WDPCP: variants seen among roughly 807,000 people sequenced by gnomAD.
The protein encoded by WDPCP is WD repeat containing planar cell polarity effector.
In WDPCP, 71 loss-of-function variants were observed where a neutral mutation model predicts 93.1. The observed-to-expected ratio is 0.76, with a 90% confidence interval of 0.63 to 0.93. The LOEUF (loss-of-function observed/expected upper bound fraction) is 0.93, where lower values mean the gene tolerates loss of function less well. WDPCP is among the 40% of genes least tolerant of loss of function. The pLI is 0.00. For missense variants in WDPCP, 844 were observed against 887.4 expected (o/e 0.95, Z 0.62); for synonymous variants, 315 against 315.0 (o/e 1.00, Z 0.00).
chr2:63,826,414 TTGTCACCAGAATACTG>T (rs1671115047), intron 1 of WDPCP, among the ~76,000 whole-genome samples: 1 of 152,140 alleles, frequency 6.6e-6, no homozygotes, highest in Admixed American at 6.5e-5. Flanking sequence ...TGGTGACATC[TTGTCACCAGAATACTG>T]TGTCCTATTA....
chr2:63,761,973 T>C (rs1421107122), intron 2 of WDPCP, among the ~76,000 whole-genome samples: 1 of 152,016 alleles, frequency 6.6e-6, no homozygotes, highest in Non-Finnish European at 1.5e-5. Flanking sequence ...AATACTTACA[T>C]TTAAAAAAAA....
chr2:63,503,326 A>G (rs1701669876), intron 1 of WDPCP, among the ~76,000 whole-genome samples: 1 of 152,192 alleles, frequency 6.6e-6, no homozygotes, highest in Non-Finnish European at 1.5e-5. Flanking sequence ...CTAGGTTCCT[A>G]TTAATACAAA....
intron 3 of WDPCP, chr2:63,597,541 A>G: frequency 6.9e-7 from 1 of 1,457,982 alleles, no homozygotes; most frequent in Non-Finnish European, 9.1e-7. Flanking sequence ...CCCAGGGTGC[A>G]GCCTTAGATA....
intron 6 of WDPCP, among the ~76,000 whole-genome samples, chr2:63,482,455 T>C (rs960910596): frequency 3.9e-5 from 6 of 151,962 alleles, no homozygotes; most frequent in Admixed American, 1.3e-4. Context: ...GGGGAGCCTG[T>C]TGAGGTGGTT....
At chr2:63,593,921 T>A (rs982475158) in intron 3 of WDPCP, among the ~76,000 whole-genome samples, 2 of 152,226 alleles carry the variant, frequency 1.3e-5, no homozygotes, top group African/African-American at 2.4e-5. Context: ...CTTTTAAAAA[T>A]AATTTTCCCT....
At chr2:63,637,477 G>A (rs992812232) in intron 3 of WDPCP, among the ~76,000 whole-genome samples, 1 of 142,178 alleles carries the variant, frequency 7.0e-6, no homozygotes, top group Admixed American at 6.9e-5. Context: ...AAATGGAAAG[G>A]CAACCTACAG....
chr2:63,569,790 T>C (rs1707347588), intron 1 of WDPCP, among the ~76,000 whole-genome samples: 4 of 152,166 alleles, frequency 2.6e-5, no homozygotes, highest in Admixed American at 2.0e-4. Flanking sequence ...TCCTGGTAGA[T>C]GGGGCTAGCA....
intron 6 of WDPCP, among the ~76,000 whole-genome samples, chr2:63,460,152 AT>A (rs1698907387): frequency 6.6e-6 from 1 of 152,240 alleles, no homozygotes; most frequent in African/African-American, 2.4e-5. Flanking sequence ...TTATTCAGCC[AT>A]AAAAAATAAT....
chr2:63,189,860 A>G (rs1171841844), intron 14 of WDPCP, among the ~76,000 whole-genome samples: 2 of 152,200 alleles, frequency 1.3e-5, no homozygotes, highest in African/African-American at 4.8e-5. Context: ...ACATGGATCA[A>G]TTGTACTCTT....
chr2:63,516,325 T>C (rs1471199948), intron 1 of WDPCP, among the ~76,000 whole-genome samples: 1 of 152,178 alleles, frequency 6.6e-6, no homozygotes, highest in African/African-American at 2.4e-5. Context: ...ATTCAAATTA[T>C]TCTCTACTAG....
intron 2 of WDPCP, among the ~76,000 whole-genome samples, chr2:63,773,095 C>CTA (rs147614996): frequency 9.2e-5 from 14 of 151,776 alleles, no homozygotes; most frequent in African/African-American, 1.9e-4. Flanking sequence ...AATTTCACTC[C>CTA]TATATATATA....
chr2:63,165,336 G>T (rs933988709), intron 15 of WDPCP, among the ~76,000 whole-genome samples: 1 of 151,940 alleles, frequency 6.6e-6, no homozygotes, highest in Non-Finnish European at 1.5e-5. Flanking sequence ...TATTAATATG[G>T]TATATGATAT....
intron 10 of WDPCP, among the ~76,000 whole-genome samples, chr2:63,387,740 A>C (rs1457624021): frequency 6.6e-6 from 1 of 151,692 alleles, no homozygotes; most frequent in African/African-American, 2.4e-5. Context: ...TAGTCTGCCC[A>C]AAAGCTCCTA....
intron 17 of WDPCP, among the ~76,000 whole-genome samples, chr2:63,144,453 G>A (rs180675663): frequency 1.3e-3 from 197 of 151,790 alleles, no homozygotes; most frequent in African/African-American, 4.2e-3. Flanking sequence ...ATGGGGTTTC[G>A]CCATGTTGGC....
chr2:63,311,582 C>A (rs769234613), intron 13 of WDPCP, among the ~76,000 whole-genome samples: 2 of 152,160 alleles, frequency 1.3e-5, no homozygotes, highest in Non-Finnish European at 2.9e-5. Flanking sequence ...AGTAAAACCA[C>A]TTCTATACTT....
chr2:63,510,244 G>A (rs745521901), intron 1 of WDPCP, among the ~76,000 whole-genome samples: 5 of 152,122 alleles, frequency 3.3e-5, no homozygotes, highest in Admixed American at 6.5e-5. Flanking sequence ...CGATCAAGTC[G>A]GCTTCCTCCC....
chr2:63,497,943 GT>G (rs1243681420), intron 1 of WDPCP, among the ~76,000 whole-genome samples: 1 of 152,186 alleles, frequency 6.6e-6, no homozygotes, highest in African/African-American at 2.4e-5. Context: ...ATCTACCAAA[GT>G]AAGCTGAGCA....
At chr2:63,650,906 T>G (rs1558875574) in intron 2 of WDPCP, 1 of 152,212 alleles carries the variant, frequency 6.6e-6, no homozygotes, top group Non-Finnish European at 1.5e-5. Context: ...TAAGTACTTT[T>G]AAAATACTTT....
chr2:63,297,910 G>A (rs1684992289), intron 13 of WDPCP, among the ~76,000 whole-genome samples: 1 of 152,136 alleles, frequency 6.6e-6, no homozygotes, highest in Non-Finnish European at 1.5e-5. Context: ...GTAAGAAGAA[G>A]AATAGCATGA....
Sources: gnomAD v4.1 joint callset for allele counts (sites outside exome capture counted in the v4.1 genomes callset) on GRCh38, gnomAD v4.1.1 for gene constraint, MANE v1.5 for transcripts, NCBI Gene and HGNC (gene_info 2026-07-23, HGNC 2026-07-21) for gene names.